The following PID1 variants were observed in gnomAD, a reference collection of about 807,000 sequenced individuals.
The protein encoded by PID1 is PTB-containing, cubilin and LRP1-interacting protein.
In PID1, 10 loss-of-function variants were observed where a neutral mutation model predicts 19.1. The ratio of observed to expected loss-of-function variants is 0.52; its 90% CI spans 0.32 to 0.89. The LOEUF (loss-of-function observed/expected upper bound fraction) is 0.89. Among genes scored for constraint, PID1 ranks in the 40% least tolerant of loss-of-function variants. PID1 has a pLI of 0.03. For missense variants in PID1, 248 were observed against 285.3 expected (o/e 0.87, Z 0.94); for synonymous variants, 130 against 116.0 (o/e 1.12, Z -0.78).
chr2:229,138,004 G>T (rs1483622305), intron 2 of PID1, among the ~76,000 whole-genome samples: 2 of 152,278 alleles, frequency 1.3e-5, no homozygotes, highest in East Asian at 1.9e-4. Flanking sequence ...AAACAAAGGG[G>T]TATAGATTCC....
intron 1 of PID1, among the ~76,000 whole-genome samples, chr2:229,186,325 G>A (rs996973383): frequency 5.3e-5 from 8 of 152,306 alleles, no homozygotes; most frequent in Middle Eastern, 3.4e-3. Context: ...CCATTCTGGA[G>A]TCTGGAGGAT....
intron 2 of PID1, among the ~76,000 whole-genome samples, chr2:229,074,422 G>T (rs1694518394): frequency 6.6e-6 from 1 of 152,118 alleles, no homozygotes; most frequent in South Asian, 2.1e-4. Context: ...AGAGAGGGAA[G>T]AAGGGAGAAC....
intron 2 of PID1, among the ~76,000 whole-genome samples, chr2:229,036,394 G>T (rs143226746): frequency 6.6e-6 from 1 of 152,268 alleles, no homozygotes; most frequent in Non-Finnish European, 1.5e-5. Flanking sequence ...TGTTCCCAGA[G>T]TGAGTCTCTG....
intron 1 of PID1, among the ~76,000 whole-genome samples, chr2:229,177,653 G>C (rs954135108): frequency 6.6e-6 from 1 of 152,060 alleles, no homozygotes; most frequent in African/African-American, 2.4e-5. Flanking sequence ...CTTCTGATAA[G>C]GAAAGGATTC....
At chr2:229,106,871 G>T (rs954004093) in intron 2 of PID1, among the ~76,000 whole-genome samples, 3 of 152,102 alleles carry the variant, frequency 2.0e-5, no homozygotes, top group Admixed American at 6.5e-5. Context: ...CCACCAAAAA[G>T]ATATGTCTAA....
At chr2:229,228,655 T>C (rs1692134599) in intron 1 of PID1, among the ~76,000 whole-genome samples, 1 of 152,218 alleles carries the variant, frequency 6.6e-6, no homozygotes, top group South Asian at 2.1e-4. Flanking sequence ...TCCTTTTGTG[T>C]GTATATATGT....
intron 1 of PID1, among the ~76,000 whole-genome samples, chr2:229,241,972 C>T (rs1689881928): frequency 6.6e-6 from 1 of 152,064 alleles, no homozygotes; most frequent in Non-Finnish European, 1.5e-5. Context: ...ACCTCTTAAG[C>T]ACAGCATCAG....
intron 1 of PID1, among the ~76,000 whole-genome samples, chr2:229,186,012 A>G (rs1462427253): frequency 6.6e-6 from 1 of 152,238 alleles, no homozygotes; most frequent in Non-Finnish European, 1.5e-5. Flanking sequence ...ACAATAGGGT[A>G]CAGGCATTTG....
intron 2 of PID1, among the ~76,000 whole-genome samples, chr2:229,142,687 C>T (rs927227554): frequency 3.3e-5 from 5 of 152,160 alleles, no homozygotes; most frequent in Non-Finnish European, 7.3e-5. Context: ...ATTAAAAAGT[C>T]AGGAAACAAC....
intron 1 of PID1, among the ~76,000 whole-genome samples, chr2:229,246,764 C>T (rs1294069263): frequency 6.6e-6 from 1 of 152,160 alleles, no homozygotes. Context: ...GTTAAAATTT[C>T]CTATTTTCTG....
chr2:229,133,153 C>A (rs950166016), intron 2 of PID1, among the ~76,000 whole-genome samples: 1 of 152,220 alleles, frequency 6.6e-6, no homozygotes, highest in Admixed American at 6.5e-5. Context: ...TAGTTTGCTA[C>A]TTCAGGAGCT....
chr2:229,154,739 CT>C (rs1001328068), intron 2 of PID1, among the ~76,000 whole-genome samples: 3 of 152,206 alleles, frequency 2.0e-5, no homozygotes, highest in African/African-American at 7.2e-5. Context: ...AGGAGTATAT[CT>C]ACAAAGCTAT....
intron 1 of PID1, among the ~76,000 whole-genome samples, chr2:229,185,082 C>CCTATATATATCCCAT (rs1559275365): frequency 7.0e-6 from 1 of 142,526 alleles, no homozygotes; most frequent in South Asian, 2.2e-4. Context: ...ATATATCCTA[C>CCTATATATATCCCAT]ATATATATCC....
chr2:229,191,112 C>G (rs546916376), intron 1 of PID1, among the ~76,000 whole-genome samples: 1 of 152,074 alleles, frequency 6.6e-6, no homozygotes, highest in Non-Finnish European at 1.5e-5. Context: ...GAAATTTGGG[C>G]CACATAATTC....
At chr2:229,039,224 C>CT in intron 2 of PID1, among the ~76,000 whole-genome samples, 1 of 152,202 alleles carries the variant, frequency 6.6e-6, no homozygotes, top group South Asian at 2.1e-4. Context: ...ACTAGATGAG[C>CT]TTTTTTATTT....
At chr2:229,089,796 A>T (rs1694834896) in intron 2 of PID1, among the ~76,000 whole-genome samples, 3 of 152,180 alleles carry the variant, frequency 2.0e-5, no homozygotes, top group Admixed American at 6.6e-5. Flanking sequence ...TTTCTGTTTC[A>T]CCAGCTGGAA....
At chr2:229,105,661 C>A (rs1269428345) in intron 2 of PID1, among the ~76,000 whole-genome samples, 1 of 152,186 alleles carries the variant, frequency 6.6e-6, no homozygotes. Flanking sequence ...GAGCTAAGGG[C>A]TCTATGTGCA....
Position 229,217,594 on chromosome 2 carries a change from T to C in PID1, c.30+53420A>G, listed in dbSNP as rs529382829. Among the ~76,000 whole-genome samples the C allele has an allele frequency of 3.3e-5, 5 of 152,274 alleles. No homozygotes were observed. The East Asian group carries it at 7.7e-4, about 24-fold the overall frequency. On this transcript the variant is annotated intron_variant, in intron 1 of 2. Coordinates refer to ENST00000392055, the MANE Select transcript of PID1 (RefSeq NM_001100818.2). ...CGCAGGGCTGGTTGGAGAAGGTCAG[T>C]GTATAATTGGTAATTTACAAAGAGG...
intron 2 of PID1, among the ~76,000 whole-genome samples, chr2:229,097,125 GA>G (rs1341434508): frequency 1.3e-5 from 2 of 152,156 alleles, no homozygotes; most frequent in African/African-American, 4.8e-5. Flanking sequence ...TACATGACAT[GA>G]TTATGAAAAT....
Sources: allele counts gnomAD v4.1 joint callset (sites outside exome capture counted in the v4.1 genomes callset), GRCh38; gene constraint gnomAD v4.1.1; transcripts MANE v1.5; gene names NCBI Gene and HGNC (gene_info 2026-07-23, HGNC 2026-07-21).